Variants in ZBED4 observed in about 807,000 individuals in gnomAD.
The protein encoded by ZBED4 is zinc finger BED-type containing 4.
In ZBED4, 4 loss-of-function variants were observed where a neutral mutation model predicts 15.5. The observed-to-expected ratio is 0.26, with a 90% confidence interval of 0.13 to 0.59. The LOEUF is 0.59. ZBED4 is among the 20% of genes least tolerant of loss of function. The probability of loss-of-function intolerance (pLI) is 0.90; values close to 1 mark genes in which losing one functional copy is unlikely to be tolerated. For synonymous variants in ZBED4, 692 were observed against 608.5 expected (o/e 1.14, Z -2.02); for missense variants, 1,323 against 1,461.8 (o/e 0.91, Z 1.55).
chr22:49,859,730 A>G (rs1215226965), intron 1 of ZBED4, among the ~76,000 whole-genome samples: 1 of 152,224 alleles, frequency 6.6e-6, no homozygotes, highest in Non-Finnish European at 1.5e-5. Context: ...ATTTTCATTA[A>G]AATTATGTAG....
At chr22:49,859,367 GC>G (rs1397932735) in intron 1 of ZBED4, among the ~76,000 whole-genome samples, 2 of 152,042 alleles carry the variant, frequency 1.3e-5, no homozygotes, top group African/African-American at 2.4e-5. Context: ...ATCTAGTAAA[GC>G]CTTTTGTTTT....
At chr22:49,856,255 G>C (rs1000724015) in intron 1 of ZBED4, among the ~76,000 whole-genome samples, 2 of 152,238 alleles carry the variant, frequency 1.3e-5, no homozygotes, top group Admixed American at 6.5e-5. Context: ...CTCTCTGCCT[G>C]CTGGGGCCAT....
chr22:49,876,661 T>C (rs5770742), intron 1 of ZBED4, among the ~76,000 whole-genome samples: 97,822 of 152,048 alleles, frequency 0.64, 35,674 homozygotes, highest in East Asian at 0.85. Context: ...GCCCTGAGAA[T>C]ACTCACCGGC....
At chr22:49,860,427 A>C (rs897030020) in intron 1 of ZBED4, among the ~76,000 whole-genome samples, 3 of 152,244 alleles carry the variant, frequency 2.0e-5, no homozygotes, top group Non-Finnish European at 4.4e-5. Flanking sequence ...TAAAATGTGC[A>C]TACAGTAGGT....
At chr22:49,881,034 T>C (rs2060406929) in intron 1 of ZBED4, among the ~76,000 whole-genome samples, 1 of 152,246 alleles carries the variant, frequency 6.6e-6, no homozygotes, top group Non-Finnish European at 1.5e-5. Context: ...TTGGACATTA[T>C]ATGTGGAATT....
chr22:49,885,233 C>A lies in ZBED4; in HGVS notation c.1571C>A (p.Pro524Gln). 6.2e-7 allele frequency: 1 copy of A among 1,611,484 alleles called. No individual in the cohort carries two copies. The change falls in exon 2 of 2, where the codon CCG becomes CAG. Residue 524 changes from proline (P) to glutamine (Q), a missense_variant. Around this residue, in one of 6 missense-constraint regions of ZBED4, gnomAD observed 429 missense variants for 397.9 expected, o/e 1.08. Coordinates refer to ENST00000216268, the MANE Select transcript of ZBED4 (RefSeq NM_014838.3). ...CTGGGTGCAAGTCTGGCAAACTCTC[C>A]GTATGCCACTTTGGCCTCTGCAGAA... The part of the protein sequence containing the change: ...GFLGASLANS[P>Q]YATLASAESS...
rs143086247 is a variant in ZBED4 at position 49,882,460 on chromosome 22, T to C, written c.-329-874T>C. 2.6e-3 allele frequency among the ~76,000 whole-genome samples: 390 copies of C among 152,384 alleles called. 7 individuals carry two copies. The highest frequency in any genetic ancestry group is 9.3e-3 in the African/African-American group (386 of 41,588). ...GGTTTTCTAGAGTCTGGTTTTATTATAGAATATTTATGCTGCCATATTACT... is the reference window on the plus strand; with the variant it reads ...GGTTTTCTAGAGTCTGGTTTTATTACAGAATATTTATGCTGCCATATTACT... On this transcript the variant is annotated intron_variant, in intron 1 of 1. Coordinates refer to ENST00000216268, the MANE Select transcript of ZBED4 (RefSeq NM_014838.3).
intron 1 of ZBED4, among the ~76,000 whole-genome samples, chr22:49,871,873 G>GT (rs2147521993): frequency 6.6e-6 from 1 of 151,886 alleles, no homozygotes; most frequent in South Asian, 2.1e-4. Flanking sequence ...TCCTGCCTCA[G>GT]TAGCTGGGAT....
At chr22:49,860,460 T>A (rs909201491) in intron 1 of ZBED4, among the ~76,000 whole-genome samples, 2 of 152,258 alleles carry the variant, frequency 1.3e-5, no homozygotes, top group African/African-American at 4.8e-5. Context: ...ATACCACTCC[T>A]GTAAGAAAAC....
intron 1 of ZBED4, among the ~76,000 whole-genome samples, chr22:49,870,706 G>A (rs1228745816): frequency 6.6e-6 from 1 of 151,852 alleles, no homozygotes; most frequent in African/African-American, 2.4e-5. Flanking sequence ...ATAGATTCTG[G>A]ATTTCAGACC....
intron 1 of ZBED4, among the ~76,000 whole-genome samples, chr22:49,856,124 T>C (rs2060273825): frequency 6.6e-6 from 1 of 152,224 alleles, no homozygotes. Flanking sequence ...TCAGATCCCT[T>C]CCTTGGTCAT....
chr22:49,884,100 C>A lies in ZBED4; in HGVS notation c.438C>A (p.Gly146=), dbSNP rs751828813. The change falls in exon 2 of 2, where the codon GGC becomes GGA. Residue 146 remains glycine (G), a synonymous_variant. Coordinates refer to ENST00000216268, the MANE Select transcript of ZBED4 (RefSeq NM_014838.3). ...CMYCVKEFSR[G]KNEKDLSTSC... ...ACTGTGTGAAGGAGTTCAGCAGAGG[C>A]AAAAACGAGAAAGACTTGAGTACCA... 5 of 1,612,924 alleles carry A rather than the reference C, an allele frequency of 3.1e-6. No homozygotes were observed. The South Asian group carries it at 4.4e-5, about 14-fold the overall frequency.
intron 1 of ZBED4, among the ~76,000 whole-genome samples, chr22:49,858,005 G>A (rs994636936): frequency 1.3e-5 from 2 of 151,580 alleles, no homozygotes; most frequent in African/African-American, 2.4e-5. Flanking sequence ...CTCGTGATCC[G>A]TCCACCTTGG....
chr22:49,869,635 C>T (rs1351942243), intron 1 of ZBED4, among the ~76,000 whole-genome samples: 4 of 152,070 alleles, frequency 2.6e-5, no homozygotes, highest in African/African-American at 9.7e-5. Flanking sequence ...AGCAGTGTAT[C>T]TCATTGGTTT....
At chr22:49,857,384 C>T (rs2060278966) in intron 1 of ZBED4, among the ~76,000 whole-genome samples, 1 of 152,250 alleles carries the variant, frequency 6.6e-6, no homozygotes, top group Non-Finnish European at 1.5e-5. Context: ...GAACAATCCA[C>T]ATGACCCTGT....
chr22:49,889,756 C>T lies in ZBED4; in HGVS notation c.*2578C>T, dbSNP rs145148148. 20 of 167,346 alleles carry T rather than the reference C, an allele frequency of 1.2e-4. No individual in the cohort carries two copies. The highest frequency in any genetic ancestry group is 4.8e-4 in the African/African-American group (20 of 41,582). 10.4% of individuals were successfully genotyped at this position (167,346 alleles called of 1,614,324 possible). A position where few individuals can be genotyped will look rare whatever the true frequency, so the allele number is the denominator to read the frequency against. On this transcript the variant is annotated 3_prime_UTR_variant, in exon 2 of 2. Coordinates refer to ENST00000216268, the MANE Select transcript of ZBED4 (RefSeq NM_014838.3). ...AGATGGACAAGAGGCCCAGTGCTGA[C>T]AGTCACACGACTCTCACTACTTGAA...
chr22:49,858,340 C>T lies in ZBED4; in HGVS notation c.-330+4351C>T, dbSNP rs543643855. Among the ~76,000 whole-genome samples the T allele has an allele frequency of 3.9e-5, 6 of 152,296 alleles. No homozygotes were observed. The South Asian group carries it at 6.2e-4, about 16-fold the overall frequency. On this transcript the variant is annotated intron_variant, in intron 1 of 1. Coordinates refer to ENST00000216268, the MANE Select transcript of ZBED4 (RefSeq NM_014838.3). ...GGTGAAGGCTACTCAGGTGTAGCCC[C>T]GATGGTAGTTTATGTCCTCAGGAGG...
At chr22:49,869,368 G>A (rs773864336) in intron 1 of ZBED4, among the ~76,000 whole-genome samples, 25 of 152,286 alleles carry the variant, frequency 1.6e-4, no homozygotes, top group Admixed American at 6.5e-4. Flanking sequence ...TATCCACCTC[G>A]GGCCTTTTTG....
At position 49,888,463 on chromosome 22, in the gene ZBED4, C is replaced by CT. The variant is rs1288143514; in HGVS notation, c.*1290dup. 5 of 167,238 alleles carry CT rather than the reference C, an allele frequency of 3.0e-5. No homozygotes were observed. The highest frequency in any genetic ancestry group is 1.2e-4 in the African/African-American group (5 of 41,466). The allele number at this position is 167,238 out of a possible 1,614,324, so 10.4% of individuals were successfully genotyped here. A position where few individuals can be genotyped will look rare whatever the true frequency, so the allele number is the denominator to read the frequency against. On this transcript the variant is annotated 3_prime_UTR_variant, in exon 2 of 2. Transcript: ENST00000216268. Reference sequence around the variant, plus strand: ...ATTTTCTAGTGCTGGCAGACACTGGCTTTTTATTTTTAGGATAAGAAAACA... The same window carrying CT: ...ATTTTCTAGTGCTGGCAGACACTGGCTTTTTTATTTTTAGGATAAGAAAACA...
Sources: allele counts gnomAD v4.1 joint callset (sites outside exome capture counted in the v4.1 genomes callset), GRCh38; gene constraint gnomAD v4.1.1; regional missense constraint gnomAD v4.1.1; transcripts MANE v1.5; gene names NCBI Gene and HGNC (gene_info 2026-07-23, HGNC 2026-07-21).